The following SYBU variants were observed in gnomAD, a reference collection of about 807,000 sequenced individuals.
SYBU encodes the protein GOLSYN A protein.
Under a neutral mutation model 35.9 loss-of-function variants are expected in SYBU, and 21 were observed. That is an observed-to-expected ratio of 0.58 (90% CI 0.41 to 0.84). The LOEUF (loss-of-function observed/expected upper bound fraction) is 0.84. Among genes scored for constraint, SYBU ranks in the 40% least tolerant of loss-of-function variants. The pLI is 0.00. For synonymous variants in SYBU, 319 were observed against 324.3 expected (o/e 0.98, Z 0.18); for missense variants, 768 against 848.2 (o/e 0.91, Z 1.17).
In SYBU at chr8:109,594,510, T is replaced by A. The variant is rs114759865; in HGVS notation, c.428-8348A>T. The stretch of plus-strand genomic sequence containing the variant: ...AATGGGGCCCTAAAATAATTTTTTT[T>A]AAAAAACTCACTTCTGTACTTAAAC... On this transcript the variant is annotated intron_variant, in intron 3 of 6. Coordinates refer to ENST00000276646, the MANE Select transcript of SYBU (RefSeq NM_001099754.2). 1.1e-3 allele frequency among the ~76,000 whole-genome samples: 163 copies of A among 152,224 alleles called. 1 individual carries two copies. The highest frequency in any genetic ancestry group is 0.01 in the East Asian group (54 of 5,180).
At chr8:109,676,363 G>A (rs1478156786) in intron 1 of SYBU, among the ~76,000 whole-genome samples, 2 of 152,122 alleles carry the variant, frequency 1.3e-5, no homozygotes, top group African/African-American at 2.4e-5. Flanking sequence ...GTTTGCAGGT[G>A]ACTTGACTGT....
intron 2 of SYBU, among the ~76,000 whole-genome samples, chr8:109,639,534 C>T (rs141679351): frequency 1.3e-5 from 2 of 152,244 alleles, no homozygotes; most frequent in East Asian, 3.9e-4. Flanking sequence ...TAGGCATGGC[C>T]CCTTTTACAT....
chr8:109,634,716 A>C (rs1302708862), intron 2 of SYBU, among the ~76,000 whole-genome samples: 1 of 152,198 alleles, frequency 6.6e-6, no homozygotes, highest in African/African-American at 2.4e-5. Context: ...AGCAAGCAAG[A>C]AATTTTAAAA....
intron 2 of SYBU, among the ~76,000 whole-genome samples, chr8:109,631,238 G>T (rs531986517): frequency 6.6e-6 from 1 of 152,270 alleles, no homozygotes; most frequent in East Asian, 1.9e-4. Flanking sequence ...TATAGATGGG[G>T]AGTGAGTATG....
chr8:109,595,107 C>T (rs1381268719), intron 3 of SYBU, among the ~76,000 whole-genome samples: 1 of 152,124 alleles, frequency 6.6e-6, no homozygotes, highest in Non-Finnish European at 1.5e-5. Flanking sequence ...TACTTTTCTT[C>T]TTATGATTAC....
rs183080423 is a variant in SYBU, at chr8:109,667,181, A to G, written c.-129+13530T>C. On this transcript the variant is annotated intron_variant, in intron 1 of 5. Transcript: ENST00000408889. ...GCCCAGGCTGGAGTGCAGTGGTGTGATCTCGGCTCACTGAAACCTCCACCT... is the reference window on the plus strand; with the variant it reads ...GCCCAGGCTGGAGTGCAGTGGTGTGGTCTCGGCTCACTGAAACCTCCACCT... 7.9e-5 allele frequency among the ~76,000 whole-genome samples: 12 copies of G among 151,608 alleles called. No homozygotes were observed. In the East Asian group the frequency reaches 2.3e-3, roughly 29 times the overall value.
Position 109,577,900 on chromosome 8 carries a change from C to G in SYBU, c.852G>C (p.Lys284Asn), listed in dbSNP as rs1586719100. 1.9e-6 allele frequency: 3 copies of G among 1,613,592 alleles called. No individual in the cohort carries two copies. The Admixed American group carries it at 5.0e-5, about 27-fold the overall frequency. The change falls in exon 6 of 7, where the codon AAG becomes AAC. Residue 284 changes from lysine to asparagine, a missense_variant. By Grantham distance (94) the Lys-to-Asn change is moderately conservative (BLOSUM62 0). Transcript: ENST00000276646. ...KEVTVRHLKT[K>N]LKESERRLHE... ...GGAGTCGGCGCTCAGATTCCTTCAG[C>G]TTGGTTTTGAGGTGTCTCACTGTCA...
intron 2 of SYBU, among the ~76,000 whole-genome samples, chr8:109,636,516 G>A (rs1466662355): frequency 6.6e-6 from 1 of 152,102 alleles, no homozygotes; most frequent in Non-Finnish European, 1.5e-5. Flanking sequence ...TCCTTTGTAG[G>A]CATTTAAAGA....
rs760472725 is a variant in SYBU, at chr8:109,586,138, G to C, written c.452C>G (p.Ser151Trp). 1.2e-6 allele frequency: 2 copies of C among 1,609,686 alleles called. No homozygotes were observed. The highest frequency in any genetic ancestry group is 8.5e-7 in the Non-Finnish European group (1 of 1,178,338). ...AGCGGAAATGCTGCCTGTGCTGCTC[G>C]AGGAGCTAAAATCAGCTTCACTACC... Reference protein sequence around the residue: ...KPGSEADFSSSSSTGSISAPE... With the variant: ...KPGSEADFSSWSSTGSISAPE... The change falls in exon 4 of 7, where the codon TCG becomes TGG. Residue 151 changes from serine to tryptophan, a missense_variant. Transcript: ENST00000276646.
intron 2 of SYBU, among the ~76,000 whole-genome samples, chr8:109,630,799 T>C (rs1813531076): frequency 6.6e-6 from 1 of 152,148 alleles, no homozygotes; most frequent in South Asian, 2.1e-4. Context: ...CTTGGATAAG[T>C]GAGCCTGGGG....
intron 2 of SYBU, among the ~76,000 whole-genome samples, chr8:109,639,543 A>G (rs1400526636): frequency 6.6e-6 from 1 of 152,236 alleles, no homozygotes; most frequent in Non-Finnish European, 1.5e-5. Flanking sequence ...CCCCTTTTAC[A>G]TGAGTGAATG....
intron 2 of SYBU, among the ~76,000 whole-genome samples, chr8:109,629,929 T>A (rs1813415578): frequency 1.3e-5 from 2 of 152,096 alleles, no homozygotes; most frequent in South Asian, 4.1e-4. Context: ...GTTTTTTGGC[T>A]GCATAAATGT....
Position 109,579,887 on chromosome 8 carries a change from C to T in SYBU, c.646G>A (p.Val216Ile). The T allele has an allele frequency of 1.2e-6, 2 of 1,612,292 alleles. No individual in the cohort carries two copies. The highest frequency in any genetic ancestry group is 4.5e-5 in the East Asian group (2 of 44,690). The change falls in exon 5 of 7, where the codon GTC (valine) becomes ATC (isoleucine). Residue 216 changes from valine (V) to isoleucine (I), a missense_variant. Coordinates refer to ENST00000276646, the MANE Select transcript of SYBU (RefSeq NM_001099754.2). ...SMLCRNQLSP[V>I]NIHPSYAPSS... ...GGTGCATAACTGGGATGGATATTGA[C>T]AGGGCTCAGCTGATTCCTGCACAGC...
chr8:109,653,239 CA>C (rs899281744), intron 1 of SYBU, among the ~76,000 whole-genome samples: 2 of 144,590 alleles, frequency 1.4e-5, no homozygotes, highest in Non-Finnish European at 2.9e-5. Flanking sequence ...TTTAGGTTTA[CA>C]AAAAAAATTA....
At chr8:109,645,636 T>TTTTTTTTG, upstream of SYBU, 1 of 278,598 alleles carries the variant, frequency 3.6e-6, no homozygotes, top group African/African-American at 2.3e-5. Context: ...GTTTTTTGTT[T>TTTTTTTTG]TTTTTTTTTT....
rs749249277 is a variant in SYBU at position 109,579,996 on chromosome 8, A to G, written c.537T>C (p.Gly179=). The G allele has an allele frequency of 7.4e-6, 12 of 1,612,410 alleles. No individual in the cohort carries two copies. The highest frequency in any genetic ancestry group is 9.3e-6 in the Non-Finnish European group (11 of 1,179,768). The change falls in exon 5 of 7, where the codon GGT becomes GGC. Residue 179 remains glycine, a synonymous_variant. Coordinates refer to ENST00000276646, the MANE Select transcript of SYBU (RefSeq NM_001099754.2). ...AAGCTCCATTACTCCGCCCATGAGG[A>G]CCTCGACTGGGAGAAAAGAATGAAA... The part of the protein sequence containing the change: ...SKRSSSSRNR[G]PHGRSNGASS...
intron 2 of SYBU, among the ~76,000 whole-genome samples, chr8:109,631,212 G>A (rs1813588909): frequency 1.3e-5 from 2 of 152,094 alleles, no homozygotes; most frequent in Admixed American, 1.3e-4. Context: ...AAGAAGGAAG[G>A]GAGCTCTTTT....
At chr8:109,689,854 A>AAAAAAC (rs1286570525) in intron 1 of SYBU, among the ~76,000 whole-genome samples, 118 of 143,460 alleles carry the variant, frequency 8.2e-4, no homozygotes, top group Middle Eastern at 3.6e-3. Context: ...AAAAAAAAAA[A>AAAAAAC]ACCATGACTA....
chr8:109,578,350 A>T (rs1381242550), intron 5 of SYBU, among the ~76,000 whole-genome samples: 1 of 152,180 alleles, frequency 6.6e-6, no homozygotes, highest in Non-Finnish European at 1.5e-5. Flanking sequence ...TGGCACCCTG[A>T]TCTCAGACCT....
Sources: gnomAD v4.1 joint callset for allele counts (sites outside exome capture counted in the v4.1 genomes callset) on GRCh38, gnomAD v4.1.1 for gene constraint, MANE v1.5 for transcripts, NCBI Gene and HGNC (gene_info 2026-07-23, HGNC 2026-07-21) for gene names.